Variants in NEDD4 observed in about 807,000 individuals in gnomAD.
NEDD4 encodes E3 ubiquitin-protein ligase NEDD4.
In NEDD4, 99 loss-of-function variants were observed where a neutral mutation model predicts 144.9. That is an observed-to-expected ratio of 0.68 (90% CI 0.58 to 0.81). The LOEUF is 0.81. Among genes scored for constraint, NEDD4 ranks in the 30% least tolerant of loss-of-function variants. NEDD4 has a pLI of 0.00. For missense variants in NEDD4, 985 were observed against 1,065.9 expected, an observed-to-expected ratio of 0.92 and a Z score of 1.06; for synonymous variants, 318 against 350.6, an observed-to-expected ratio of 0.91 and a Z score of 1.04.
intron 4 of NEDD4, among the ~76,000 whole-genome samples, chr15:55,934,489 C>T (rs2036845950): frequency 6.6e-6 from 1 of 152,078 alleles, no homozygotes; most frequent in Admixed American, 6.5e-5. Context: ...GTGAATTAGA[C>T]AAGTATTTTC....
chr15:55,894,578 G>A (rs1258617230), intron 5 of NEDD4, among the ~76,000 whole-genome samples: 1 of 152,042 alleles, frequency 6.6e-6, no homozygotes, highest in Admixed American at 6.6e-5. Context: ...ATTGGGGTGA[G>A]GTGGAAGTCA....
At chr15:55,892,233 C>A (rs2035590868) in intron 5 of NEDD4, among the ~76,000 whole-genome samples, 1 of 151,268 alleles carries the variant, frequency 6.6e-6, no homozygotes, top group African/African-American at 2.4e-5. Flanking sequence ...CACCACTTCA[C>A]TCCAGCCTAG....
At chr15:55,923,837 T>TA (rs1458907233) in intron 5 of NEDD4, among the ~76,000 whole-genome samples, 16 of 150,276 alleles carry the variant, frequency 1.1e-4, no homozygotes, top group South Asian at 2.1e-4. Context: ...AGACTTTTTT[T>TA]TAAAAAAAAA....
chr15:55,964,571 C>A (rs1218131865), intron 2 of NEDD4, among the ~76,000 whole-genome samples: 2 of 150,900 alleles, frequency 1.3e-5, no homozygotes, highest in Non-Finnish European at 2.9e-5. Flanking sequence ...TTTCCTGGTT[C>A]TTTTTAGATA....
intron 5 of NEDD4, among the ~76,000 whole-genome samples, chr15:55,893,374 C>T (rs939623650): frequency 6.6e-6 from 1 of 151,454 alleles, no homozygotes; most frequent in Non-Finnish European, 1.5e-5. Flanking sequence ...TAAAAATGTT[C>T]AAGCCGTTAT....
chr15:55,952,517 C>G (rs969747715), intron 2 of NEDD4: 1 of 152,150 alleles, frequency 6.6e-6, no homozygotes. Flanking sequence ...CCATTCTCCA[C>G]GAAGTACCCT....
At chr15:55,840,032 ATATATATAT>A (rs1566901285) in intron 21 of NEDD4, among the ~76,000 whole-genome samples, 23 of 89,906 alleles carry the variant, frequency 2.6e-4, no homozygotes, top group Admixed American at 7.8e-4. Context: ...ATATATATAT[ATATATATAT>A]AACATTCATC....
chr15:55,993,481 G>A, intron 1 of NEDD4, 30 bp downstream of exon 1: 1 of 1,593,238 alleles, frequency 6.3e-7, no homozygotes. Context: ...CCGAAGGGAA[G>A]CCCGCCCCGC....
chr15:55,888,964 CACTT>C (rs2035478528), intron 5 of NEDD4, among the ~76,000 whole-genome samples: 1 of 152,144 alleles, frequency 6.6e-6, no homozygotes, highest in Non-Finnish European at 1.5e-5. Flanking sequence ...ATGGATTAAA[CACTT>C]ACATCTAAGA....
chr15:55,983,266 TGTTG>T (rs2037832852), intron 1 of NEDD4, among the ~76,000 whole-genome samples: 1 of 142,850 alleles, frequency 7.0e-6, no homozygotes, highest in Admixed American at 7.0e-5. Context: ...TGAAAAATAA[TGTTG>T]ATGATGACGA....
intron 1 of NEDD4, among the ~76,000 whole-genome samples, chr15:55,974,540 T>C (rs112577898): frequency 0.029 from 4,437 of 151,998 alleles, 72 homozygotes; most frequent in Non-Finnish European, 0.035. Flanking sequence ...CAAACCAAAT[T>C]TGACAACACA....
At position 55,856,139 on chromosome 15, in the gene NEDD4, G is replaced by C. The variant is rs140868475; in HGVS notation, c.1018C>G (p.Leu340Val). Residue 340 changes from leucine (L) to valine (V), a missense_variant, in exon 12 of 29, where the codon CTT becomes GTT. Coordinates refer to ENST00000435532, the MANE Select transcript of NEDD4 (RefSeq NM_006154.4). ...QAYTFEEQPT[L>V]PVLLPTSSGL... ...GAGAGGGTAAAACTCACCACAGGAA[G>C]TGTAGGTTGTTCCTCAAAAGTATAG... is the stretch of plus-strand genomic sequence containing the variant. The C allele has an allele frequency of 3.3e-5, 53 of 1,612,470 alleles. No homozygotes were observed. Among genetic ancestry groups the C allele is most frequent in the Non-Finnish European group, 8.5e-7 (1 of 1,178,948 alleles).
At chr15:55,934,351 G>A (rs2036843112) in intron 4 of NEDD4, among the ~76,000 whole-genome samples, 1 of 151,854 alleles carries the variant, frequency 6.6e-6, no homozygotes, top group African/African-American at 2.4e-5. Flanking sequence ...ATCTCATTTT[G>A]TTATCAGTTG....
chr15:55,922,336 T>C (rs2036584859), intron 5 of NEDD4, among the ~76,000 whole-genome samples: 1 of 152,174 alleles, frequency 6.6e-6, no homozygotes, highest in African/African-American at 2.4e-5. Flanking sequence ...TTTTTACAAA[T>C]TAAAAAATAT....
At chr15:55,898,810 A>AT (rs1244927585) in intron 5 of NEDD4, among the ~76,000 whole-genome samples, 34 of 150,582 alleles carry the variant, frequency 2.3e-4, no homozygotes, top group African/African-American at 5.6e-4. Flanking sequence ...ATTAAAAACA[A>AT]TTTTTTTTTA....
intron 24 of NEDD4, among the ~76,000 whole-genome samples, chr15:55,837,246 A>G (rs900414718): frequency 1.5e-4 from 23 of 152,058 alleles, no homozygotes; most frequent in African/African-American, 5.3e-4. Context: ...CCCGACCAAC[A>G]TGGTGAAACC....
At chr15:55,860,635 A>C (rs2034364771) in intron 10 of NEDD4, 26 bp downstream of exon 10, 1 of 1,613,532 alleles carries the variant, frequency 6.2e-7, no homozygotes, top group Non-Finnish European at 8.5e-7. Flanking sequence ...TGTGTCTTTC[A>C]AGGAGAACTA....
At chr15:55,926,231 T>C (rs1158763279) in intron 4 of NEDD4, among the ~76,000 whole-genome samples, 1 of 152,188 alleles carries the variant, frequency 6.6e-6, no homozygotes, top group Non-Finnish European at 1.5e-5. Flanking sequence ...TATGTCTATC[T>C]AGAAATGTAT....
At chr15:55,916,627 G>A in intron 5 of NEDD4, 3 of 1,613,984 alleles carry the variant, frequency 1.9e-6, no homozygotes, top group Non-Finnish European at 2.5e-6. Context: ...GATCTTTCTT[G>A]AGACTGAACG....
Sources: gnomAD v4.1 joint callset for allele counts (sites outside exome capture counted in the v4.1 genomes callset) on GRCh38, gnomAD v4.1.1 for gene constraint, MANE v1.5 for transcripts, NCBI Gene and HGNC (gene_info 2026-07-23, HGNC 2026-07-21) for gene names.